HHAT: variants seen among roughly 807,000 people sequenced by gnomAD.
HHAT encodes protein-cysteine N-palmitoyltransferase HHAT.
HHAT carries 47 observed loss-of-function variants against 70.8 expected under a neutral mutation model. The ratio of observed to expected loss-of-function variants is 0.66; its 90% confidence interval spans 0.53 to 0.85. The LOEUF is 0.85. HHAT is among the 40% of genes least tolerant of loss of function. HHAT has a pLI of 0.00. For missense variants in HHAT, 609 were observed against 604.8 expected, an observed-to-expected ratio of 1.01 and a Z score of -0.07; for synonymous variants, 228 against 247.6, an observed-to-expected ratio of 0.92 and a Z score of 0.74.
At chr1:210,535,853 C>T (rs2095366889) in intron 9 of HHAT, among the ~76,000 whole-genome samples, 1 of 152,186 alleles carries the variant, frequency 6.6e-6, no homozygotes, top group Non-Finnish European at 1.5e-5. Flanking sequence ...CACAAACATG[C>T]AAATATGCTA....
intron 7 of HHAT, among the ~76,000 whole-genome samples, chr1:210,433,983 C>T (rs2093317725): frequency 6.6e-6 from 1 of 151,830 alleles, no homozygotes; most frequent in East Asian, 1.9e-4. Context: ...ACATATCTTA[C>T]TGGAAGGATA....
chr1:210,576,719 A>G (rs12217125), intron 9 of HHAT, among the ~76,000 whole-genome samples: 59,894 of 152,092 alleles, frequency 0.39, 12,295 homozygotes, highest in East Asian at 0.64. Flanking sequence ...ATTTTCCTTG[A>G]ATGAAGTATG....
At chr1:210,387,804 T>C (rs964814994) in intron 4 of HHAT, among the ~76,000 whole-genome samples, 1 of 152,322 alleles carries the variant, frequency 6.6e-6, no homozygotes, top group South Asian at 2.1e-4. Context: ...ATAAAGGTTG[T>C]AGTGTAAAAC....
At chr1:210,499,246 C>T (rs2094708069) in intron 8 of HHAT, among the ~76,000 whole-genome samples, 1 of 152,176 alleles carries the variant, frequency 6.6e-6, no homozygotes, top group Non-Finnish European at 1.5e-5. Context: ...TTCCCATTCC[C>T]CACACCTGCC....
At chr1:210,385,835 G>A (rs1471274816) in intron 3 of HHAT, among the ~76,000 whole-genome samples, 1 of 152,160 alleles carries the variant, frequency 6.6e-6, no homozygotes, top group Non-Finnish European at 1.5e-5. Context: ...AACTTTTAAT[G>A]TACATATGCT....
At chr1:210,485,875 T>TAAACC (rs1239471286) in intron 8 of HHAT, among the ~76,000 whole-genome samples, 3 of 152,166 alleles carry the variant, frequency 2.0e-5, no homozygotes, top group Non-Finnish European at 4.4e-5. Flanking sequence ...GAGACACAGC[T>TAAACC]AAACCATGTC....
In HHAT at chr1:210,675,931, G is replaced by A. The variant is rs1272359948; in HGVS notation, c.*1552G>A. ...AAGTTTTAGGAGGGGATGAGCCTCA[G>A]GGAGGAGTGAGCACCTAAATGAACG... On this transcript the variant is annotated 3_prime_UTR_variant, in exon 12 of 12. Transcript: ENST00000261458. 6.6e-6 allele frequency: 1 copy of A among 152,196 alleles called. No individual in the cohort carries two copies. The highest frequency in any genetic ancestry group is 6.5e-5 in the Admixed American group (1 of 15,268). 9.4% of individuals were successfully genotyped at this position (152,196 alleles called of 1,614,324 possible).
intron 9 of HHAT, 110 bp downstream of exon 9, chr1:210,513,298 A>G: frequency 1.7e-5 from 10 of 594,396 alleles, no homozygotes; most frequent in Non-Finnish European, 2.7e-5. Flanking sequence ...ACTTATATAT[A>G]TACTTGTCAA....
chr1:210,400,728 T>C (rs960949127), intron 5 of HHAT, 66 bp downstream of exon 5: 6 of 1,428,976 alleles, frequency 4.2e-6, no homozygotes, highest in African/African-American at 2.8e-5. Flanking sequence ...TTGATCCCAG[T>C]AGACACCTTG....
chr1:210,424,757 G>T (rs190620629), intron 7 of HHAT, among the ~76,000 whole-genome samples: 5 of 152,042 alleles, frequency 3.3e-5, no homozygotes, highest in Non-Finnish European at 7.4e-5. Flanking sequence ...TCATTGATGG[G>T]CATTTAGGTT....
At chr1:210,603,421 A>T (rs1664717885) in intron 10 of HHAT, among the ~76,000 whole-genome samples, 1 of 152,026 alleles carries the variant, frequency 6.6e-6, no homozygotes, top group Non-Finnish European at 1.5e-5. Context: ...CTTTCCATAG[A>T]TGAACTTGGG....
intron 6 of HHAT, among the ~76,000 whole-genome samples, chr1:210,414,429 G>A (rs2092656577): frequency 6.6e-6 from 1 of 152,094 alleles, no homozygotes; most frequent in Admixed American, 6.6e-5. Flanking sequence ...ACTTGCTTTG[G>A]AGAGCTGGAA....
chr1:210,497,792 G>A (rs1470961623), intron 8 of HHAT, among the ~76,000 whole-genome samples: 1 of 149,238 alleles, frequency 6.7e-6, no homozygotes, highest in Non-Finnish European at 1.5e-5. Context: ...TTGAGACAGA[G>A]TCTGGCTCTG....
chr1:210,464,492 G>A lies in HHAT; in HGVS notation c.857-13G>A. ...TCTCTTCCATGTGTCTGACTGGTCT[G>A]TTTGCCTTTCAGGAGGACTGGCGTT... On this transcript the variant is annotated splice_polypyrimidine_tract_variant and intron_variant, in intron 7 of 11. Coordinates refer to ENST00000261458, the MANE Select transcript of HHAT (RefSeq NM_018194.6). 1 of 1,614,146 alleles carries A rather than the reference G, an allele frequency of 6.2e-7. No individual in the cohort carries two copies. Among genetic ancestry groups the A allele is most frequent in the South Asian group, 1.1e-5 (1 of 91,086 alleles).
intron 9 of HHAT, among the ~76,000 whole-genome samples, chr1:210,559,764 G>A (rs899098751): frequency 1.9e-4 from 20 of 102,570 alleles, no homozygotes; most frequent in Non-Finnish European, 5.0e-4. Flanking sequence ...CACAGATGTG[G>A]TGGTTCCTTC....
chr1:210,411,572 G>A (rs1254754970), intron 6 of HHAT, among the ~76,000 whole-genome samples: 5 of 150,984 alleles, frequency 3.3e-5, no homozygotes, highest in Admixed American at 2.0e-4. Context: ...TGGGCAACAC[G>A]GTGAAACTCA....
chr1:210,574,824 C>A (rs1405046819), intron 9 of HHAT, among the ~76,000 whole-genome samples: 3 of 152,242 alleles, frequency 2.0e-5, no homozygotes, highest in Non-Finnish European at 1.5e-5. Context: ...AGAGCACTTT[C>A]TTCTAGAGAC....
chr1:210,577,073 GT>G (rs71146234), intron 9 of HHAT, among the ~76,000 whole-genome samples: 12 of 146,892 alleles, frequency 8.2e-5, no homozygotes, highest in South Asian at 4.3e-4. Flanking sequence ...TGTTTAACGG[GT>G]TTTTTTTTTG....
At chr1:210,651,656 T>C (rs1388932844) in intron 11 of HHAT, among the ~76,000 whole-genome samples, 1 of 152,190 alleles carries the variant, frequency 6.6e-6, no homozygotes, top group Non-Finnish European at 1.5e-5. Context: ...ACTGCTGCCT[T>C]CTAGGGCTGG....
Sources: gnomAD v4.1 joint callset for allele counts (sites outside exome capture counted in the v4.1 genomes callset) on GRCh38, gnomAD v4.1.1 for gene constraint, MANE v1.5 for transcripts, NCBI Gene and HGNC (gene_info 2026-07-23, HGNC 2026-07-21) for gene names.